MAN2A1: variants seen among roughly 807,000 people sequenced by gnomAD.
MAN2A1 encodes the protein alpha-mannosidase 2.
In MAN2A1, 76 loss-of-function variants were observed where a neutral mutation model predicts 142.6. That is an observed-to-expected ratio of 0.53 (90% CI 0.44 to 0.65). The LOEUF is 0.65. Ranked by LOEUF, MAN2A1 falls within the 30% of genes least tolerant of loss-of-function variation. MAN2A1 has a pLI of 0.00. For missense variants in MAN2A1, 1,311 were observed against 1,365.1 expected, an observed-to-expected ratio of 0.96 and a Z score of 0.62; for synonymous variants, 559 against 473.2, an observed-to-expected ratio of 1.18 and a Z score of -2.35.
At chr5:109,821,132 T>C (rs1754612030) in intron 15 of MAN2A1, among the ~76,000 whole-genome samples, 1 of 152,190 alleles carries the variant, frequency 6.6e-6, no homozygotes, top group South Asian at 2.1e-4. Context: ...CACAATCCCA[T>C]GAAAACCATT....
chr5:109,725,334 C>T (rs1416064608), intron 3 of MAN2A1, among the ~76,000 whole-genome samples: 2 of 152,158 alleles, frequency 1.3e-5, no homozygotes, highest in Non-Finnish European at 2.9e-5. Flanking sequence ...GCTGCCTTCT[C>T]CTCCCAGGCC....
At chr5:109,864,864 T>C (rs1373272070) in intron 20 of MAN2A1, 172 bp from the exon 21 acceptor site, 4 of 607,312 alleles carry the variant, frequency 6.6e-6, no homozygotes, top group African/African-American at 3.7e-5. Context: ...TAGGAGAGAA[T>C]GGTAGCAGGT....
intron 1 of MAN2A1, among the ~76,000 whole-genome samples, chr5:109,695,528 G>C (rs1393395405): frequency 6.6e-6 from 1 of 152,090 alleles, no homozygotes; most frequent in African/African-American, 2.4e-5. Context: ...CTGATCACCT[G>C]GTTTATTCTT....
chr5:109,696,411 A>G (rs1561464212), intron 1 of MAN2A1, among the ~76,000 whole-genome samples: 1 of 152,208 alleles, frequency 6.6e-6, no homozygotes, highest in African/African-American at 2.4e-5. Flanking sequence ...TATCTCTTAA[A>G]TATCTTAATG....
chr5:109,780,224 A>AT (rs531130473), intron 8 of MAN2A1, among the ~76,000 whole-genome samples: 4,342 of 150,806 alleles, frequency 0.029, 94 homozygotes, highest in Non-Finnish European at 0.043. Context: ...CACCCAGCTA[A>AT]TTTTTTTTTG....
chr5:109,780,197 A>G (rs541080953), intron 8 of MAN2A1, among the ~76,000 whole-genome samples: 2 of 152,160 alleles, frequency 1.3e-5, no homozygotes, highest in South Asian at 2.1e-4. Flanking sequence ...AGCTGGGACT[A>G]CAGGTGCCTG....
chr5:109,806,725 T>G (rs1754175942), intron 12 of MAN2A1, among the ~76,000 whole-genome samples: 1 of 152,330 alleles, frequency 6.6e-6, no homozygotes, highest in South Asian at 2.1e-4. Flanking sequence ...AGCAATCACT[T>G]AGTTGCCAAC....
chr5:109,806,306 C>T (rs1032648905), intron 12 of MAN2A1, among the ~76,000 whole-genome samples: 2 of 152,158 alleles, frequency 1.3e-5, no homozygotes, highest in African/African-American at 2.4e-5. Flanking sequence ...TCTATGGCTA[C>T]ATAACCATGA....
At chr5:109,835,024 G>A (rs111950027) in intron 16 of MAN2A1, among the ~76,000 whole-genome samples, 2,823 of 151,918 alleles carry the variant, frequency 0.019, 34 homozygotes, top group Middle Eastern at 0.072. Context: ...GAAACATTTA[G>A]ATGTTGACTT....
intron 12 of MAN2A1, among the ~76,000 whole-genome samples, chr5:109,799,994 A>G (rs1290910968): frequency 6.6e-6 from 1 of 151,174 alleles, no homozygotes; most frequent in African/African-American, 2.4e-5. Context: ...AGACTGAGGC[A>G]GGAGAATTGC....
At chr5:109,844,450 A>G (rs1755295758) in intron 17 of MAN2A1, among the ~76,000 whole-genome samples, 1 of 152,180 alleles carries the variant, frequency 6.6e-6, no homozygotes, top group South Asian at 2.1e-4. Flanking sequence ...GAAAGGAGAA[A>G]TAGAGAATTC....
intron 5 of MAN2A1, among the ~76,000 whole-genome samples, chr5:109,759,278 T>G (rs1197988049): frequency 2.0e-5 from 3 of 152,164 alleles, no homozygotes; most frequent in Admixed American, 2.0e-4. Context: ...GTCCTGTACT[T>G]TTTTTGTTAA....
chr5:109,816,092 G>A (rs907454162), intron 12 of MAN2A1, among the ~76,000 whole-genome samples: 5 of 152,182 alleles, frequency 3.3e-5, no homozygotes, highest in South Asian at 4.1e-4. Flanking sequence ...CACAGGCAAA[G>A]CCATGAAAGA....
Position 109,823,812 on chromosome 5 carries a change from T to C in MAN2A1, c.2541T>C (p.His847=). 1 of 1,596,894 alleles carries C rather than the reference T, an allele frequency of 6.3e-7. No individual in the cohort carries two copies. The highest frequency in any genetic ancestry group is 1.1e-5 in the South Asian group (1 of 88,752). ...EVTCFFDHVT[H]RVRLYHIQGI... ...CTTGCTTTTTTGACCATGTTACTCA[T>C]AGAGTCCGACTATACCACATACAGG... is the stretch of plus-strand genomic sequence containing the variant. The change falls in exon 16 of 22, where the codon CAT becomes CAC. Residue 847 remains histidine (H), a synonymous_variant. Transcript: ENST00000261483.
chr5:109,717,073 T>G (rs906132057), intron 3 of MAN2A1, among the ~76,000 whole-genome samples: 14 of 152,122 alleles, frequency 9.2e-5, no homozygotes, highest in Non-Finnish European at 1.8e-4. Context: ...ATTTTTTTTT[T>G]TGTGGGGATT....
At chr5:109,801,746 T>G (rs1754037762) in intron 12 of MAN2A1, among the ~76,000 whole-genome samples, 2 of 152,160 alleles carry the variant, frequency 1.3e-5, no homozygotes, top group Non-Finnish European at 2.9e-5. Flanking sequence ...TTAAAACATG[T>G]TCTCAAGACT....
intron 19 of MAN2A1, among the ~76,000 whole-genome samples, chr5:109,850,645 G>C (rs933227064): frequency 6.6e-6 from 1 of 152,028 alleles, no homozygotes; most frequent in South Asian, 2.1e-4. Context: ...AAAGTTTCTC[G>C]CTTATATGAC....
chr5:109,812,349 A>G (rs188641277), intron 12 of MAN2A1, among the ~76,000 whole-genome samples: 191 of 152,218 alleles, frequency 1.3e-3, no homozygotes, highest in African/African-American at 3.8e-3. Context: ...GTATAACTCA[A>G]AAAGACACTC....
chr5:109,796,905 T>C (rs1302593707), intron 12 of MAN2A1, among the ~76,000 whole-genome samples: 2 of 152,228 alleles, frequency 1.3e-5, no homozygotes, highest in Admixed American at 1.3e-4. Context: ...TTCCTTATTG[T>C]GTGTCTCACT....
Sources: gnomAD v4.1 joint callset for allele counts (sites outside exome capture counted in the v4.1 genomes callset) on GRCh38, gnomAD v4.1.1 for gene constraint, MANE v1.5 for transcripts, NCBI Gene and HGNC (gene_info 2026-07-23, HGNC 2026-07-21) for gene names.